The following TENM2 variants were observed in gnomAD, a reference collection of about 807,000 sequenced individuals.
The protein encoded by TENM2 is teneurin transmembrane protein 2, also known as teneurin-2.
A neutral mutation model predicts 245.2 loss-of-function variants in TENM2; 52 were observed. That is an observed-to-expected ratio of 0.21 (90% confidence interval 0.17 to 0.27). TENM2 has a LOEUF of 0.27. Among genes scored for constraint, TENM2 ranks in the 10% least tolerant of loss-of-function variants. The pLI is 1.00. For synonymous variants in TENM2, 1,363 were observed against 1,438.9 expected (o/e 0.95, Z 1.19); for missense variants, 3,046 against 3,666.8 (o/e 0.83, Z 4.37).
At chr5:167,474,747 C>A (rs1767257118) in intron 2 of TENM2, among the ~76,000 whole-genome samples, 1 of 152,128 alleles carries the variant, frequency 6.6e-6, no homozygotes, top group Admixed American at 6.5e-5. Context: ...AACTCCTGAC[C>A]TCAGGTGATC....
At chr5:167,216,584 T>A in the TENM2 span, among the ~76,000 whole-genome samples, 1 of 152,302 alleles carries the variant, frequency 6.6e-6, no homozygotes, top group South Asian at 2.1e-4. Context: ...CCGGAATGGC[T>A]ACAGTATAGC....
intron 5 of TENM2, among the ~76,000 whole-genome samples, chr5:168,027,715 C>T (rs1482587069): frequency 1.3e-5 from 2 of 152,204 alleles, no homozygotes; most frequent in African/African-American, 2.4e-5. Flanking sequence ...GGAACCTCAG[C>T]TTTGCGTGGC....
Position 167,678,627 on chromosome 5 carries a change from T to G in TENM2, c.503-197359T>G, listed in dbSNP as rs138037665. On this transcript the variant is annotated intron_variant, in intron 2 of 28. Coordinates refer to ENST00000518659, the Ensembl canonical transcript of TENM2. The stretch of plus-strand genomic sequence containing the variant: ...TTGAGGGCAAAGATGAATCACATTT[T>G]TTTAGGCATTCCATAAATGTTTGTG... 4.0e-3 allele frequency among the ~76,000 whole-genome samples: 615 copies of G among 152,230 alleles called. 3 individuals are homozygous for G. The highest frequency in any genetic ancestry group is 0.014 in the African/African-American group (587 of 41,552).
At chr5:167,738,331 T>C (rs886414225) in intron 2 of TENM2, among the ~76,000 whole-genome samples, 1 of 152,212 alleles carries the variant, frequency 6.6e-6, no homozygotes, top group African/African-American at 2.4e-5. Flanking sequence ...TTAGATCAGC[T>C]TTCTCACACT....
At chr5:167,369,451 A>ATT (rs34408184) in intron 1 of TENM2, among the ~76,000 whole-genome samples, 29,892 of 150,144 alleles carry the variant, frequency 0.2, 3,275 homozygotes, top group African/African-American at 0.28. Flanking sequence ...TTGATGAACT[A>ATT]TTTTTTTTTT....
chr5:166,979,490 G>T, the TENM2 span, among the ~76,000 whole-genome samples: 1 of 152,114 alleles, frequency 6.6e-6, no homozygotes, highest in East Asian at 1.9e-4. Flanking sequence ...TATGTAGATG[G>T]TGTCAGGGAG....
the TENM2 span, among the ~76,000 whole-genome samples, chr5:167,125,339 C>T: frequency 6.6e-6 from 1 of 152,204 alleles, no homozygotes; most frequent in Non-Finnish European, 1.5e-5. Context: ...CTTTGATGCA[C>T]TCTGCAAATG....
At chr5:167,892,170 C>T (rs577443716) in intron 3 of TENM2, among the ~76,000 whole-genome samples, 70 of 152,230 alleles carry the variant, frequency 4.6e-4, no homozygotes, top group African/African-American at 1.5e-3. Flanking sequence ...CTACATTAAA[C>T]GTACACATTA....
exon 6 of TENM2, chr5:168,047,469 A>T: frequency 1.3e-6 from 2 of 1,551,702 alleles, no homozygotes; most frequent in South Asian, 2.4e-5. Context: ...CAGCCTGCAG[A>T]TGGGCACACC....
At chr5:167,617,588 G>A (rs766451140) in intron 2 of TENM2, among the ~76,000 whole-genome samples, 1 of 152,080 alleles carries the variant, frequency 6.6e-6, no homozygotes, top group Admixed American at 6.6e-5. Context: ...CCAGCCTTTT[G>A]CAGACTCATA....
chr5:167,798,186 G>C (rs570709100), intron 2 of TENM2, among the ~76,000 whole-genome samples: 23 of 152,302 alleles, frequency 1.5e-4, no homozygotes, highest in African/African-American at 5.3e-4. Context: ...CAAGCTAACT[G>C]CAGGCCAGAG....
intron 5 of TENM2, among the ~76,000 whole-genome samples, chr5:168,011,314 C>T (rs372077724): frequency 2.0e-5 from 3 of 152,188 alleles, no homozygotes; most frequent in East Asian, 1.9e-4. Flanking sequence ...TAAGTCAGTG[C>T]GCCCTCACAT....
At chr5:168,131,691 G>T (rs147339814) in intron 12 of TENM2, among the ~76,000 whole-genome samples, 4 of 152,286 alleles carry the variant, frequency 2.6e-5, no homozygotes, top group African/African-American at 4.8e-5. Flanking sequence ...GAGGACAGCT[G>T]CTTCTGAATC....
At chr5:167,011,597 T>C in the TENM2 span, among the ~76,000 whole-genome samples, 560 of 152,332 alleles carry the variant, frequency 3.7e-3, 1 homozygote, top group Non-Finnish European at 6.3e-3. Context: ...AGGGCACAAG[T>C]AGGAGACAGT....
intron 17 of TENM2, among the ~76,000 whole-genome samples, chr5:168,200,968 A>G (rs1452391750): frequency 1.3e-5 from 2 of 152,230 alleles, no homozygotes; most frequent in Non-Finnish European, 2.9e-5. Flanking sequence ...AATTTTCACT[A>G]TAATTGGTAG....
the TENM2 span, among the ~76,000 whole-genome samples, chr5:167,073,442 C>A: frequency 6.6e-6 from 1 of 152,266 alleles, no homozygotes; most frequent in South Asian, 2.1e-4. Context: ...TCATACAGGG[C>A]ACAAAATAGG....
At chr5:167,225,407 A>G in the TENM2 span, among the ~76,000 whole-genome samples, 1 of 152,078 alleles carries the variant, frequency 6.6e-6, no homozygotes, top group Non-Finnish European at 1.5e-5. Flanking sequence ...CTTTTTCTGC[A>G]GCTGTTGAGA....
rs3083413 is a variant in TENM2, at chr5:168,090,218, CCACACACACACA to C, written c.1516-322_1516-311del. On this transcript the variant is annotated intron_variant, in intron 7 of 28. Transcript: ENST00000518659. Reference sequence around the variant, plus strand: ...GCAACAGCATATACCACTCCCCCCACCACACACACACACACACACACACACACACACACACAC... The same window carrying C: ...GCAACAGCATATACCACTCCCCCCACCACACACACACACACACACACACAC... Among the ~76,000 whole-genome samples the C allele has an allele frequency of 6.6e-4, 90 of 136,792 alleles. 1 individual carries two copies. Among genetic ancestry groups the C allele is most frequent in the African/African-American group, 1.5e-3 (53 of 36,374 alleles). The allele number at this position is 136,792 out of a possible 152,430, so 89.7% of individuals were successfully genotyped here.
the TENM2 span, among the ~76,000 whole-genome samples, chr5:167,099,312 G>A: frequency 6.6e-6 from 1 of 152,294 alleles, no homozygotes; most frequent in East Asian, 1.9e-4. Context: ...AGGGTTAATT[G>A]TAATTGTCAT....
Sources: gnomAD v4.1 joint callset for allele counts (sites outside exome capture counted in the v4.1 genomes callset) on GRCh38, gnomAD v4.1.1 for gene constraint, MANE v1.5 for transcripts, NCBI Gene and HGNC (gene_info 2026-07-23, HGNC 2026-07-21) for gene names.